TSPAN14: variants seen among roughly 807,000 people sequenced by gnomAD.
The protein encoded by TSPAN14 is tetraspanin-14.
Under a neutral mutation model 36.6 loss-of-function variants are expected in TSPAN14, and 16 were observed. The ratio of observed to expected loss-of-function variants is 0.44; its 90% CI spans 0.30 to 0.66. The LOEUF (loss-of-function observed/expected upper bound fraction) is 0.66. Among genes scored for constraint, TSPAN14 ranks in the 30% least tolerant of loss-of-function variants. The pLI is 0.12. For synonymous variants in TSPAN14, 139 were observed against 143.8 expected, an observed-to-expected ratio of 0.97 and a Z score of 0.24; for missense variants, 231 against 355.1, an observed-to-expected ratio of 0.65 and a Z score of 2.81.
At chr10:80,512,471 C>T (rs897606724) in intron 6 of TSPAN14, among the ~76,000 whole-genome samples, 2 of 152,168 alleles carry the variant, frequency 1.3e-5, no homozygotes, top group African/African-American at 4.8e-5. Context: ...CATGACCCAC[C>T]CTGGCCTTGG....
At chr10:80,475,529 T>C (rs952507669) in intron 1 of TSPAN14, among the ~76,000 whole-genome samples, 18 of 152,008 alleles carry the variant, frequency 1.2e-4, no homozygotes, top group African/African-American at 4.4e-4. Context: ...AGAAAAAAAG[T>C]TTTAAGTTAA....
intron 1 of TSPAN14, among the ~76,000 whole-genome samples, chr10:80,488,441 C>T (rs1847745152): frequency 1.3e-5 from 2 of 152,290 alleles, no homozygotes; most frequent in South Asian, 4.1e-4. Flanking sequence ...CTGTAGTTCA[C>T]AGGGTCTTCC....
At chr10:80,481,424 G>A (rs921524492) in intron 1 of TSPAN14, among the ~76,000 whole-genome samples, 2 of 152,180 alleles carry the variant, frequency 1.3e-5, no homozygotes, top group African/African-American at 4.8e-5. Context: ...AAAACAAGAA[G>A]TTGTACGGGA....
chr10:80,508,041 A>G (rs1170831287), intron 4 of TSPAN14, among the ~76,000 whole-genome samples: 1 of 150,684 alleles, frequency 6.6e-6, no homozygotes, highest in Non-Finnish European at 1.5e-5. Context: ...TATGTTTAGC[A>G]TCTTGCTTTT....
At chr10:80,485,492 C>A in intron 1 of TSPAN14, 1 of 302,124 alleles carries the variant, frequency 3.3e-6, no homozygotes, top group Non-Finnish European at 4.9e-6. Flanking sequence ...CCGAGCCATA[C>A]CTGTTGTGCA....
intron 2 of TSPAN14, among the ~76,000 whole-genome samples, chr10:80,490,919 G>C (rs1847888701): frequency 6.6e-6 from 1 of 152,172 alleles, no homozygotes; most frequent in Non-Finnish European, 1.5e-5. Flanking sequence ...ATGAATATCT[G>C]TGTGGGGGTA....
At position 80,487,573 on chromosome 10, in the gene TSPAN14, TCTTC is replaced by T. The variant is rs1847682532; in HGVS notation, c.-17-1640_-17-1637del. On this transcript the variant is annotated intron_variant, in intron 1 of 8. Coordinates refer to ENST00000429989, the Ensembl canonical transcript of TSPAN14. ...GTTGCTGAAGGAAGGCGCCTGTGTC[TCTTC>T]CTTGAGAGCTGCTTTTCTCCCTGCA... 2.0e-5 allele frequency among the ~76,000 whole-genome samples: 3 copies of T among 152,158 alleles called. 1 individual carries two copies. The South Asian group carries it at 6.2e-4, about 31-fold the overall frequency.
chr10:80,472,355 C>G (rs1283693301), intron 1 of TSPAN14, among the ~76,000 whole-genome samples: 2 of 152,172 alleles, frequency 1.3e-5, no homozygotes, highest in Admixed American at 6.5e-5. Flanking sequence ...ATGGTGAGTT[C>G]TAGGTGCATC....
chr10:80,479,372 C>A (rs528941670), intron 1 of TSPAN14, among the ~76,000 whole-genome samples: 1 of 151,800 alleles, frequency 6.6e-6, no homozygotes, highest in Non-Finnish European at 1.5e-5. Context: ...TTGCCCATGC[C>A]TATGTCCTGA....
exon 7 of TSPAN14, chr10:80,514,045 A>C: frequency 1.2e-6 from 2 of 1,613,986 alleles, no homozygotes; most frequent in Non-Finnish European, 1.7e-6. Flanking sequence ...CACAGTGTGG[A>C]TATGATGTCA....
In TSPAN14 at chr10:80,481,104, C is replaced by CA. The variant is rs201601795; in HGVS notation, c.-17-8104dup. Among the ~76,000 whole-genome samples, 431 of 148,188 alleles carry CA rather than the reference C, an allele frequency of 2.9e-3. 3 individuals are homozygous for CA. The highest frequency in any genetic ancestry group is 4.9e-3 in the Non-Finnish European group (330 of 66,932). ...AGGGTGAAGGAGTGAGACTCTGTTTCAAAAAAAAAGAGTGAAGGTAGAAAA... is the reference window on the plus strand; with the variant it reads ...AGGGTGAAGGAGTGAGACTCTGTTTCAAAAAAAAAAGAGTGAAGGTAGAAAA... On this transcript the variant is annotated intron_variant, in intron 1 of 8. Coordinates refer to ENST00000429989, the Ensembl canonical transcript of TSPAN14.
intron 5 of TSPAN14, among the ~76,000 whole-genome samples, chr10:80,510,327 T>G (rs1840546289): frequency 6.6e-6 from 1 of 152,264 alleles, no homozygotes; most frequent in African/African-American, 2.4e-5. Context: ...TCATGTATTA[T>G]GGGATCCAGC....
At chr10:80,513,659 T>C (rs1158167608) in intron 6 of TSPAN14, among the ~76,000 whole-genome samples, 1 of 152,208 alleles carries the variant, frequency 6.6e-6, no homozygotes, top group Non-Finnish European at 1.5e-5. Flanking sequence ...TGGAAATAAA[T>C]CAAAAGAAGA....
intron 1 of TSPAN14, among the ~76,000 whole-genome samples, chr10:80,458,313 A>C (rs1845822398): frequency 6.6e-6 from 1 of 152,152 alleles, no homozygotes; most frequent in African/African-American, 2.4e-5. Flanking sequence ...AGAAGGGAGT[A>C]GGAACCCTGT....
At position 80,509,330 on chromosome 10, in the gene TSPAN14, C is replaced by T; in HGVS notation, c.309C>T (p.Phe103=). 1 of 1,614,074 alleles carries T rather than the reference C, an allele frequency of 6.2e-7. No individual in the cohort carries two copies. Among genetic ancestry groups the T allele is most frequent in the African/African-American group, 1.3e-5 (1 of 75,048 alleles). ...GTGGCACCATCGTGCTCATCTTCTT[C>T]CTGGAGCTGGCTGTGGCCGTGCTGG... is the stretch of plus-strand genomic sequence containing the variant. Residue 103 remains phenylalanine, a synonymous_variant, in exon 5 of 9, where the codon TTC becomes TTT. Coordinates refer to ENST00000429989, the Ensembl canonical transcript of TSPAN14. The surrounding 1 kb of genome is among the most constrained non-coding windows in gnomAD (Gnocchi z 4.7).
intron 1 of TSPAN14, chr10:80,485,747 G>T: frequency 1.1e-6 from 1 of 917,300 alleles, no homozygotes; most frequent in Non-Finnish European, 1.3e-6. Flanking sequence ...TGGCAGGGGT[G>T]GGAAAGCGGG....
At chr10:80,489,297 T>C in exon 2 of TSPAN14, 7 of 1,574,820 alleles carry the variant, frequency 4.4e-6, no homozygotes, top group Non-Finnish European at 6.0e-6. Flanking sequence ...CCTTTTCAGC[T>C]ACAACATCAT....
intron 5 of TSPAN14, 110 bp from the exon 6 acceptor site, chr10:80,512,034 A>G: frequency 6.5e-7 from 1 of 1,534,286 alleles, no homozygotes. Flanking sequence ...ATTTCTCTGC[A>G]TGGTAGATGC....
chr10:80,511,246 G>A (rs1012635338), intron 5 of TSPAN14, among the ~76,000 whole-genome samples: 1 of 152,196 alleles, frequency 6.6e-6, no homozygotes, highest in African/African-American at 2.4e-5. Flanking sequence ...GAAGGGGAGG[G>A]CAGAGGCCCC....
Sources: allele counts gnomAD v4.1 joint callset (sites outside exome capture counted in the v4.1 genomes callset), GRCh38; gene constraint gnomAD v4.1.1; non-coding constraint Gnocchi (gnomAD v3.1); transcripts MANE v1.5; gene names NCBI Gene and HGNC (gene_info 2026-07-23, HGNC 2026-07-21).